Variants in AHI1 observed in about 807,000 individuals in gnomAD.
AHI1 encodes the protein Abelson helper integration site 1.
Under a neutral mutation model 149.3 loss-of-function variants are expected in AHI1, and 123 were observed. The ratio of observed to expected loss-of-function variants is 0.82; its 90% confidence interval spans 0.71 to 0.96. The LOEUF is 0.96. Ranked by LOEUF, AHI1 falls within the 40% of genes least tolerant of loss-of-function variation. The pLI, the probability that AHI1 is intolerant of heterozygous loss-of-function variation, is 0.00. For synonymous variants in AHI1, 475 were observed against 459.8 expected (o/e 1.03, Z -0.42); for missense variants, 1,439 against 1,422.7 (o/e 1.01, Z -0.18).
intron 5 of AHI1, among the ~76,000 whole-genome samples, chr6:135,478,547 C>T (rs772380950): frequency 1.3e-5 from 2 of 152,172 alleles, no homozygotes; most frequent in Admixed American, 1.3e-4. Flanking sequence ...TGCTAAAAAA[C>T]TATGCTCATT....
intron 14 of AHI1, among the ~76,000 whole-genome samples, chr6:135,440,344 A>C (rs1786083718): frequency 6.6e-6 from 1 of 152,174 alleles, no homozygotes; most frequent in African/African-American, 2.4e-5. Flanking sequence ...AAGTGAGGCT[A>C]AGAAGAGGCT....
At chr6:135,476,856 T>C (rs549710672) in intron 5 of AHI1, among the ~76,000 whole-genome samples, 1 of 152,292 alleles carries the variant, frequency 6.6e-6, no homozygotes, top group African/African-American at 2.4e-5. Context: ...ACCTATGCCC[T>C]TACATTGAAA....
At chr6:135,373,190 G>A (rs1430258786) in intron 23 of AHI1, among the ~76,000 whole-genome samples, 1 of 152,132 alleles carries the variant, frequency 6.6e-6, no homozygotes, top group Non-Finnish European at 1.5e-5. Flanking sequence ...ATGACAGATC[G>A]CATATACAAT....
At chr6:135,465,765 AAC>A in intron 7 of AHI1, 47 bp downstream of exon 7, 1 of 1,380,188 alleles carries the variant, frequency 7.2e-7, no homozygotes, top group Non-Finnish European at 9.6e-7. Flanking sequence ...ACCTGAAAAT[AAC>A]AGTGTTTTTC....
intron 24 of AHI1, among the ~76,000 whole-genome samples, chr6:135,332,809 C>T (rs1310449000): frequency 6.6e-6 from 1 of 152,214 alleles, no homozygotes; most frequent in African/African-American, 2.4e-5. Context: ...AAAAACCAAT[C>T]TGCTCTTTAT....
intron 5 of AHI1, among the ~76,000 whole-genome samples, chr6:135,487,486 G>C (rs1424577665): frequency 6.6e-6 from 1 of 152,040 alleles, no homozygotes; most frequent in Non-Finnish European, 1.5e-5. Flanking sequence ...ATATTTAACT[G>C]ATTTCAAAGT....
rs149814223 is a variant in AHI1, at chr6:135,357,181, C to T, written c.3165+951G>A. On this transcript the variant is annotated intron_variant, in intron 24 of 28. Coordinates refer to ENST00000265602, the MANE Select transcript of AHI1 (RefSeq NM_001134831.2). ...CTCAATCTCCTGACCTTGTGATCTGCCCGCCTTGGCCTCCCAAAGTGCTGG... is the reference window on the plus strand; with the variant it reads ...CTCAATCTCCTGACCTTGTGATCTGTCCGCCTTGGCCTCCCAAAGTGCTGG... 4.4e-3 allele frequency among the ~76,000 whole-genome samples: 668 copies of T among 152,328 alleles called. 8 individuals carry two copies. Among genetic ancestry groups the T allele is most frequent in the African/African-American group, 0.015 (627 of 41,576 alleles).
chr6:135,464,686 G>C (rs1211116430), intron 7 of AHI1, among the ~76,000 whole-genome samples: 5 of 152,156 alleles, frequency 3.3e-5, no homozygotes, highest in African/African-American at 1.2e-4. Flanking sequence ...CAGTCCATGT[G>C]GCAAGGAACT....
intron 24 of AHI1, among the ~76,000 whole-genome samples, chr6:135,332,070 G>GTTTTTT: frequency 7.3e-6 from 1 of 136,684 alleles, no homozygotes; most frequent in African/African-American, 2.7e-5. Flanking sequence ...TCAGGTTTAG[G>GTTTTTT]TTTTTTTTTT....
chr6:135,488,973 C>T lies in AHI1; in HGVS notation c.135+1650G>A, dbSNP rs180943263. On this transcript the variant is annotated intron_variant, in intron 5 of 28. Coordinates refer to ENST00000265602, the MANE Select transcript of AHI1 (RefSeq NM_001134831.2). The stretch of plus-strand genomic sequence containing the variant: ...GTTTTCTCCTGTACAGAAATAAAAC[C>T]CTGTAATTTCGTCGTTTGTATTAAA... 9.0e-4 allele frequency among the ~76,000 whole-genome samples: 137 copies of T among 152,112 alleles called. 2 individuals are homozygous for T. The highest frequency in any genetic ancestry group is 2.9e-3 in the African/African-American group (121 of 41,478).
rs1197199554 is a variant in AHI1 at position 135,492,266 on chromosome 6, T to C, written c.-29A>G. 3 of 1,536,474 alleles carry C rather than the reference T, an allele frequency of 2.0e-6. No homozygotes were observed. Among genetic ancestry groups the C allele is most frequent in the Non-Finnish European group, 2.6e-6 (3 of 1,139,004 alleles). ...TCAGCTTTATGCAGAGGACTGAGAA[T>C]GCAAAGCATTGACTCAATCAGGATC... On this transcript the variant is annotated 5_prime_UTR_variant, in exon 4 of 29. Transcript: ENST00000265602.
chr6:135,341,257 A>G (rs563886558), intron 24 of AHI1, among the ~76,000 whole-genome samples: 1 of 152,212 alleles, frequency 6.6e-6, no homozygotes, highest in South Asian at 2.1e-4. Context: ...AAAAATGGAA[A>G]AAGACATACC....
chr6:135,318,479 T>C (rs1298872918), intron 26 of AHI1, 40 bp downstream of exon 26: 32 of 1,262,972 alleles, frequency 2.5e-5, no homozygotes, highest in Non-Finnish European at 3.6e-5. Context: ...AGAGTGAAAA[T>C]CAAAGTACAT....
At chr6:135,405,033 G>A in intron 21 of AHI1, 56 bp from the exon 22 acceptor site, 1 of 1,445,036 alleles carries the variant, frequency 6.9e-7, no homozygotes, top group Non-Finnish European at 9.7e-7. Flanking sequence ...AATATTGACT[G>A]TTTGCAAAAC....
chr6:135,419,647 GTCTTCAGTTAATCATAA>G lies in AHI1; in HGVS notation c.2764+7503_2764+7519del, dbSNP rs563431336. Among the ~76,000 whole-genome samples, 37 of 152,154 alleles carry G rather than the reference GTCTTCAGTTAATCATAA, an allele frequency of 2.4e-4. No individual in the cohort carries two copies. In the East Asian group the frequency reaches 4.6e-3, roughly 19 times the overall value. Reference sequence around the variant, plus strand: ...CTAAAAAATGCTAACAATCATCTATGTCTTCAGTTAATCATAATCTTTTTGCTGATGGAAGGTCTTGC... The same window carrying G: ...CTAAAAAATGCTAACAATCATCTATGTCTTTTTGCTGATGGAAGGTCTTGC... On this transcript the variant is annotated intron_variant, in intron 20 of 28. Coordinates refer to ENST00000265602, the MANE Select transcript of AHI1 (RefSeq NM_001134831.2).
intron 12 of AHI1, 60 bp downstream of exon 12, chr6:135,448,230 T>C: frequency 8.3e-7 from 1 of 1,201,514 alleles, no homozygotes; most frequent in Non-Finnish European, 1.1e-6. Context: ...AAAAACATGC[T>C]ATGTCACCAT....
intron 23 of AHI1, 25 bp from the exon 24 acceptor site, chr6:135,358,212 A>G: frequency 6.3e-7 from 1 of 1,596,352 alleles, no homozygotes; most frequent in Non-Finnish European, 8.6e-7. Flanking sequence ...CATTGTGAGT[A>G]TTTGGTTATT....
chr6:135,383,492 T>C lies in AHI1; in HGVS notation c.3109+11284A>G, dbSNP rs187225467. Among the ~76,000 whole-genome samples the C allele has an allele frequency of 1.0e-3, 157 of 152,140 alleles. 1 individual carries two copies. Among genetic ancestry groups the C allele is most frequent in the African/African-American group, 3.4e-3 (142 of 41,510 alleles). On this transcript the variant is annotated intron_variant, in intron 23 of 28. Coordinates refer to ENST00000265602, the MANE Select transcript of AHI1 (RefSeq NM_001134831.2). ...GCTCAAGTGAATCACCTGACGGGAT[T>C]ACATTGGTATGGTATAGAGAATATG... is the stretch of plus-strand genomic sequence containing the variant.
At chr6:135,425,838 C>T (rs1403306533) in intron 20 of AHI1, among the ~76,000 whole-genome samples, 2 of 151,816 alleles carry the variant, frequency 1.3e-5, no homozygotes, top group East Asian at 3.8e-4. Flanking sequence ...TGATAAAATC[C>T]TGTCAGTGAC....
Sources: gnomAD v4.1 joint callset for allele counts (sites outside exome capture counted in the v4.1 genomes callset) on GRCh38, gnomAD v4.1.1 for gene constraint, MANE v1.5 for transcripts, NCBI Gene and HGNC (gene_info 2026-07-23, HGNC 2026-07-21) for gene names.